Variants in SHANK2 observed in about 807,000 individuals in gnomAD.
The protein encoded by SHANK2 is SH3 and multiple ankyrin repeat domains protein 2.
A neutral mutation model predicts 133.7 loss-of-function variants in SHANK2; 43 were observed. The ratio of observed to expected loss-of-function variants is 0.32; its 90% CI spans 0.25 to 0.41. SHANK2 has a LOEUF of 0.41. Ranked by LOEUF, SHANK2 falls within the 10% of genes least tolerant of loss-of-function variation. The pLI is 1.00. For synonymous variants in SHANK2, 1,017 were observed against 952.8 expected (o/e 1.07, Z -1.24); for missense variants, 1,994 against 2,235.8 (o/e 0.89, Z 2.18).
At chr11:70,919,148 CAG>C (rs1950312293) in intron 10 of SHANK2, among the ~76,000 whole-genome samples, 1 of 152,108 alleles carries the variant, frequency 6.6e-6, no homozygotes, top group African/African-American at 2.4e-5. Flanking sequence ...CAGGCAACAA[CAG>C]AGCAAGACCC....
chr11:70,687,597 G>C (rs1225092568), intron 15 of SHANK2, among the ~76,000 whole-genome samples: 1 of 151,540 alleles, frequency 6.6e-6, no homozygotes, highest in East Asian at 1.9e-4. Context: ...TGTGGGGGTA[G>C]GGGGGTGGGC....
At chr11:71,064,802 G>A (rs957779525) in intron 9 of SHANK2, among the ~76,000 whole-genome samples, 40 of 152,224 alleles carry the variant, frequency 2.6e-4, no homozygotes, top group African/African-American at 7.9e-4. Context: ...GGGGAAGGGC[G>A]TTATTTACAG....
At chr11:70,572,632 G>T (rs991916909) in intron 17 of SHANK2, among the ~76,000 whole-genome samples, 4 of 152,184 alleles carry the variant, frequency 2.6e-5, no homozygotes, top group African/African-American at 9.7e-5. Flanking sequence ...AGAAGACACA[G>T]GGATGGTTGG....
chr11:71,059,125 G>A (rs1166961225), intron 9 of SHANK2, among the ~76,000 whole-genome samples: 1 of 152,218 alleles, frequency 6.6e-6, no homozygotes, highest in Non-Finnish European at 1.5e-5. Flanking sequence ...GCTGAGGCAG[G>A]AGAATCACTT....
At chr11:71,222,853 G>A (rs1228306263) in intron 2 of SHANK2, among the ~76,000 whole-genome samples, 8 of 152,258 alleles carry the variant, frequency 5.3e-5, no homozygotes, top group Non-Finnish European at 8.8e-5. Flanking sequence ...AGGAGGAACT[G>A]TGTACTGGGC....
chr11:70,809,536 A>G (rs1351156767), intron 12 of SHANK2, among the ~76,000 whole-genome samples: 14 of 152,196 alleles, frequency 9.2e-5, no homozygotes, highest in African/African-American at 3.4e-4. Flanking sequence ...CAGAAGGGCA[A>G]TGGGGCTGTA....
intron 3 of SHANK2, among the ~76,000 whole-genome samples, chr11:71,145,214 C>A (rs55897315): frequency 0.012 from 1,822 of 152,312 alleles, 12 homozygotes; most frequent in Non-Finnish European, 0.019. Context: ...GGTGTCTAAT[C>A]TTTTGGCTTC....
At chr11:70,503,062 G>A (rs889496336) in intron 17 of SHANK2, 131 bp from the exon 18 acceptor site, 18 of 1,006,056 alleles carry the variant, frequency 1.8e-5, no homozygotes, top group South Asian at 5.2e-5. Context: ...GAGTGAGACC[G>A]TCATCTTTTT....
At chr11:70,879,161 C>A (rs1481793866) in intron 11 of SHANK2, among the ~76,000 whole-genome samples, 1 of 152,090 alleles carries the variant, frequency 6.6e-6, no homozygotes, top group Admixed American at 6.6e-5. Context: ...CCATGAACTG[C>A]TGCTGCTTCA....
intron 14 of SHANK2, among the ~76,000 whole-genome samples, chr11:70,725,923 C>T (rs190960614): frequency 6.6e-6 from 1 of 152,320 alleles, no homozygotes; most frequent in East Asian, 1.9e-4. Context: ...ACGTGTTGTT[C>T]TAACTGCTCT....
In SHANK2 at chr11:70,605,946, A is replaced by AG. The variant is rs1254980715; in HGVS notation, c.2061+53881_2061+53882insC. Among the ~76,000 whole-genome samples, 111 of 151,982 alleles carry AG rather than the reference A, an allele frequency of 7.3e-4. 1 individual carries two copies. Among genetic ancestry groups the AG allele is most frequent in the African/African-American group, 2.5e-3 (104 of 41,458 alleles). On this transcript the variant is annotated intron_variant, in intron 17 of 25. Coordinates refer to ENST00000601538, the MANE Select transcript of SHANK2 (RefSeq NM_012309.5). ...AATGACCCTTCTAGAACAACCTATTATTCCCCCCCCTCCTTGGGGTAAAAA... is the reference window on the plus strand; with the variant it reads ...AATGACCCTTCTAGAACAACCTATTAGTTCCCCCCCCTCCTTGGGGTAAAAA...
At chr11:70,701,816 G>C (rs974746183) in intron 14 of SHANK2, among the ~76,000 whole-genome samples, 10 of 152,100 alleles carry the variant, frequency 6.6e-5, no homozygotes, top group Admixed American at 6.5e-4. Context: ...TGGGCTCTGG[G>C]ATATGGTCCC....
intron 10 of SHANK2, chr11:70,948,367 A>C (rs1950784070): frequency 2.2e-6 from 1 of 457,196 alleles, no homozygotes; most frequent in South Asian, 1.5e-5. Context: ...CCTAGAAGAC[A>C]GCGTGGCTCT....
intron 11 of SHANK2, among the ~76,000 whole-genome samples, chr11:70,875,688 T>G (rs1379372796): frequency 6.6e-6 from 1 of 151,996 alleles, no homozygotes; most frequent in Non-Finnish European, 1.5e-5. Context: ...AAGCCCCGTC[T>G]CTACAAAAAT....
intron 17 of SHANK2, among the ~76,000 whole-genome samples, chr11:70,558,929 A>G (rs1220347887): frequency 6.6e-6 from 1 of 152,134 alleles, no homozygotes; most frequent in Non-Finnish European, 1.5e-5. Flanking sequence ...CGGAAGAGAG[A>G]TGTGCTCGGG....
At chr11:71,059,442 G>A (rs1257480543) in intron 9 of SHANK2, among the ~76,000 whole-genome samples, 9 of 152,186 alleles carry the variant, frequency 5.9e-5, no homozygotes, top group South Asian at 2.1e-4. Context: ...ACAGACCAGC[G>A]ATCATGGAGC....
At chr11:71,166,790 C>CCT (rs1326310256) in intron 2 of SHANK2, among the ~76,000 whole-genome samples, 7 of 137,768 alleles carry the variant, frequency 5.1e-5, no homozygotes, top group Non-Finnish European at 9.5e-5. Context: ...GCCCACACTT[C>CCT]TTTTTTTTTT....
At chr11:71,059,515 C>T (rs984896406) in intron 9 of SHANK2, among the ~76,000 whole-genome samples, 61 of 152,114 alleles carry the variant, frequency 4.0e-4, no homozygotes, top group Non-Finnish European at 7.5e-4. Flanking sequence ...GGGTCACATA[C>T]ATATTTAAGA....
chr11:71,126,502 A>G (rs1952191074), intron 3 of SHANK2, among the ~76,000 whole-genome samples: 1 of 152,214 alleles, frequency 6.6e-6, no homozygotes, highest in Non-Finnish European at 1.5e-5. Flanking sequence ...CCATGGATTA[A>G]GGATTAATTT....
Sources: gnomAD v4.1 joint callset for allele counts (sites outside exome capture counted in the v4.1 genomes callset) on GRCh38, gnomAD v4.1.1 for gene constraint, MANE v1.5 for transcripts, NCBI Gene and HGNC (gene_info 2026-07-23, HGNC 2026-07-21) for gene names.